GRK3: variants seen among roughly 807,000 people sequenced by gnomAD.
The protein encoded by GRK3 is adrenergic, beta, receptor kinase 2.
GRK3 carries 54 observed loss-of-function variants against 95.7 expected under a neutral mutation model. The ratio of observed to expected loss-of-function variants is 0.56; its 90% CI spans 0.45 to 0.71. The LOEUF (loss-of-function observed/expected upper bound fraction) is 0.71. GRK3 is among the 30% of genes least tolerant of loss of function. GRK3 has a pLI of 0.00. For missense variants in GRK3, 649 were observed against 851.2 expected (o/e 0.76, Z 2.96); for synonymous variants, 281 against 290.8 (o/e 0.97, Z 0.34).
At chr22:25,644,806 A>G in intron 3 of GRK3, 141 bp downstream of exon 3, 1 of 485,498 alleles carries the variant, frequency 2.1e-6, no homozygotes, top group Non-Finnish European at 3.6e-6. Flanking sequence ...TATAGTATCA[A>G]GTTTGAGATG....
intron 19 of GRK3, 138 bp downstream of exon 19, chr22:25,718,519 A>T (rs1055136724): frequency 3.0e-6 from 3 of 1,010,396 alleles, no homozygotes; most frequent in Non-Finnish European, 4.3e-6. Flanking sequence ...TGAGATTGTA[A>T]TGTGCAAACT....
At chr22:25,647,745 C>A (rs2084796241) in intron 3 of GRK3, 1 of 1,146,424 alleles carries the variant, frequency 8.7e-7, no homozygotes, top group African/African-American at 1.5e-5. Flanking sequence ...GGTATTTTGG[C>A]AAAATGGGGA....
rs143018477 is a variant in GRK3, at chr22:25,571,538, TTATAC to T, written c.113+6390_113+6394del. 7.0e-3 allele frequency among the ~76,000 whole-genome samples: 1,064 copies of T among 152,258 alleles called. 14 individuals carry two copies. The highest frequency in any genetic ancestry group is 0.024 in the African/African-American group (1,007 of 41,554). On this transcript the variant is annotated intron_variant, in intron 1 of 20. Transcript: ENST00000324198. Reference sequence around the variant, plus strand: ...TATTAAAAGAAATGATTAAAAACACTTATACTATAGGGTTATTGTTGTTGAGATTA... The same window carrying T: ...TATTAAAAGAAATGATTAAAAACACTTATAGGGTTATTGTTGTTGAGATTA...
At chr22:25,699,204 A>C (rs2085236050) in intron 13 of GRK3, among the ~76,000 whole-genome samples, 1 of 152,120 alleles carries the variant, frequency 6.6e-6, no homozygotes, top group Non-Finnish European at 1.5e-5. Flanking sequence ...GAACCTCAAA[A>C]ATATGCCTGT....
chr22:25,638,088 C>T (rs970268381), intron 2 of GRK3, among the ~76,000 whole-genome samples: 1 of 152,202 alleles, frequency 6.6e-6, no homozygotes, highest in Non-Finnish European at 1.5e-5. Context: ...GGTGCTCATA[C>T]ACATCTCCTT....
In GRK3 at chr22:25,703,584, G is replaced by A; in HGVS notation, c.1227+8G>A. The A allele has an allele frequency of 6.2e-7, 1 of 1,600,670 alleles. No individual in the cohort carries two copies. The highest frequency in any genetic ancestry group is 2.2e-5 in the East Asian group (1 of 44,774). On this transcript the variant is annotated splice_region_variant and intron_variant, in intron 14 of 20. Coordinates refer to ENST00000324198, the MANE Select transcript of GRK3 (RefSeq NM_005160.4). ...CGAATGACACTCACCGTGGTAAGGG[G>A]ATTCAAAACTGTATTCTTGTCTGTA...
At chr22:25,597,990 G>A (rs189832450) in intron 1 of GRK3, among the ~76,000 whole-genome samples, 134 of 152,292 alleles carry the variant, frequency 8.8e-4, no homozygotes, top group African/African-American at 2.7e-3. Flanking sequence ...TTGGGCAGAA[G>A]GTGTATGGTA....
chr22:25,682,931 T>G (rs1285310014), intron 9 of GRK3, among the ~76,000 whole-genome samples: 1 of 152,264 alleles, frequency 6.6e-6, no homozygotes, highest in Non-Finnish European at 1.5e-5. Flanking sequence ...CCCTTCTGTG[T>G]TTGGCTTCTC....
chr22:25,720,091 CTG>C (rs1251982991), intron 19 of GRK3, among the ~76,000 whole-genome samples: 1 of 152,048 alleles, frequency 6.6e-6, no homozygotes, highest in African/African-American at 2.4e-5. Context: ...CCAAAGCTCA[CTG>C]TATTTCCAGG....
intron 13 of GRK3, among the ~76,000 whole-genome samples, chr22:25,703,176 A>G (rs1394936967): frequency 2.0e-5 from 3 of 152,200 alleles, no homozygotes; most frequent in East Asian, 1.9e-4. Flanking sequence ...CATATGACAA[A>G]TGTTATATAA....
intron 2 of GRK3, among the ~76,000 whole-genome samples, chr22:25,613,720 TGTTGGACTAAACAA>T (rs2084515850): frequency 6.6e-6 from 1 of 152,152 alleles, no homozygotes; most frequent in South Asian, 2.1e-4. Context: ...TCATCACCTG[TGTTGGACTAAACAA>T]GTCTGGGCAT....
In GRK3 at chr22:25,718,303, A is replaced by G; in HGVS notation, c.1713A>G (p.Pro571=). 1 of 1,614,170 alleles carries G rather than the reference A, an allele frequency of 6.2e-7. No individual in the cohort carries two copies. Among genetic ancestry groups the G allele is most frequent in the South Asian group, 1.1e-5 (1 of 91,082 alleles). ...GGTACATGCTGAAACTGGGAAACCC[A>G]TTTCTGACTCAGTGGCAGCGTCGCT... ...MHGYMLKLGN[P]FLTQWQRRYF... The change falls in exon 19 of 21, where the codon CCA becomes CCG. Residue 571 remains proline, a synonymous_variant. Transcript: ENST00000324198.
At chr22:25,631,006 A>T (rs1358563295) in intron 2 of GRK3, among the ~76,000 whole-genome samples, 1 of 152,216 alleles carries the variant, frequency 6.6e-6, no homozygotes, top group Non-Finnish European at 1.5e-5. Context: ...TAAGGCTTAT[A>T]TGAAATAGAT....
rs1169978871 is a variant in GRK3, at chr22:25,723,854, T to C, written c.*1404T>C. Reference sequence around the variant, plus strand: ...TTGTTTTTGTATTTGTTTGCTGTGTTCATGGGCAAAGTAAGTACTTTTTAA... The same window carrying C: ...TTGTTTTTGTATTTGTTTGCTGTGTCCATGGGCAAAGTAAGTACTTTTTAA... On this transcript the variant is annotated 3_prime_UTR_variant, in exon 21 of 21. Transcript: ENST00000324198. 1 of 152,152 alleles carries C rather than the reference T, an allele frequency of 6.6e-6. No individual in the cohort carries two copies. Among genetic ancestry groups the C allele is most frequent in the Non-Finnish European group, 1.5e-5 (1 of 68,024 alleles). The allele number at this position is 152,152 out of a possible 1,614,324, so 9.4% of individuals were successfully genotyped here. A position where few individuals can be genotyped will look rare whatever the true frequency, so the allele number is the denominator to read the frequency against.
intron 3 of GRK3, among the ~76,000 whole-genome samples, chr22:25,649,383 CT>C (rs535152363): frequency 2.0e-5 from 3 of 152,022 alleles, no homozygotes; most frequent in African/African-American, 7.3e-5. Flanking sequence ...CACAAAACCA[CT>C]TTTTTTTACC....
chr22:25,602,121 C>T (rs527671468), intron 1 of GRK3, among the ~76,000 whole-genome samples: 1 of 152,318 alleles, frequency 6.6e-6, no homozygotes, highest in African/African-American at 2.4e-5. Flanking sequence ...AGTTGTACAA[C>T]TGAATAATAC....
At position 25,717,010 on chromosome 22, in the gene GRK3, C is replaced by T. The variant is rs143902695; in HGVS notation, c.1655-1235C>T. Among the ~76,000 whole-genome samples, 14 of 152,324 alleles carry T rather than the reference C, an allele frequency of 9.2e-5. No homozygotes were observed. The East Asian group carries it at 2.7e-3, about 29-fold the overall frequency. ...CACAGTTTGAACCCAAAACCATTCCCCCATCCCCGTCTGTGGAAAAATTGT... is the reference window on the plus strand; with the variant it reads ...CACAGTTTGAACCCAAAACCATTCCTCCATCCCCGTCTGTGGAAAAATTGT... On this transcript the variant is annotated intron_variant, in intron 18 of 20. Coordinates refer to ENST00000324198, the MANE Select transcript of GRK3 (RefSeq NM_005160.4).
At chr22:25,707,899 A>G (rs1047472824) in intron 15 of GRK3, among the ~76,000 whole-genome samples, 2 of 152,060 alleles carry the variant, frequency 1.3e-5, no homozygotes, top group African/African-American at 4.8e-5. Context: ...CAGTACGTCT[A>G]TCATCCCTTC....
chr22:25,627,784 C>G (rs1264861227), intron 2 of GRK3, among the ~76,000 whole-genome samples: 1 of 152,200 alleles, frequency 6.6e-6, no homozygotes, highest in Admixed American at 6.5e-5. Flanking sequence ...TAACATCATG[C>G]AGGCTGTCTA....
Sources: gnomAD v4.1 joint callset for allele counts (sites outside exome capture counted in the v4.1 genomes callset) on GRCh38, gnomAD v4.1.1 for gene constraint, MANE v1.5 for transcripts, NCBI Gene and HGNC (gene_info 2026-07-23, HGNC 2026-07-21) for gene names.